NPR2: variants seen among roughly 807,000 people sequenced by gnomAD.
The protein encoded by NPR2 is natriuretic peptide receptor 2.
In NPR2, 49 loss-of-function variants were observed where a neutral mutation model predicts 120.7. The ratio of observed to expected loss-of-function variants is 0.41; its 90% CI spans 0.32 to 0.52. NPR2 has a LOEUF of 0.52. NPR2 is among the 20% of genes least tolerant of loss of function. NPR2 has a pLI of 0.36. For missense variants in NPR2, 931 were observed against 1,362.9 expected, an observed-to-expected ratio of 0.68 and a Z score of 4.99; for synonymous variants, 484 against 519.8, an observed-to-expected ratio of 0.93 and a Z score of 0.94.
rs535414490 is a variant in NPR2 at position 35,793,455 on chromosome 9, C to T, written c.667+380C>T. Among the ~76,000 whole-genome samples, 10 of 152,222 alleles carry T rather than the reference C, an allele frequency of 6.6e-5. No individual in the cohort carries two copies. The South Asian group carries it at 1.5e-3, about 22-fold the overall frequency. ...TACCACCCAGACTGGGCGCCAAGACCCCTTGGTGGTGTAAAAATAATGAGG... is the reference window on the plus strand; with the variant it reads ...TACCACCCAGACTGGGCGCCAAGACTCCTTGGTGGTGTAAAAATAATGAGG... On this transcript the variant is annotated intron_variant, in intron 1 of 21. Transcript: ENST00000342694.
rs766256429 is a variant in NPR2 at position 35,806,474 on chromosome 9, C to G, written c.2455C>G (p.Arg819Gly). 6.2e-7 allele frequency: 1 copy of G among 1,614,114 alleles called. No homozygotes were observed. Among genetic ancestry groups the G allele is most frequent in the South Asian group, 1.1e-5 (1 of 91,076 alleles). ...ANNLEKLVEERTQAYLEEKRK... is the reference protein window; with the variant it reads ...ANNLEKLVEEGTQAYLEEKRK... ...TAACTTGGAGAAGCTGGTGGAGGAA[C>G]GCACACAGGCCTATCTGGAGGAAAA... is the stretch of plus-strand genomic sequence containing the variant. The change falls in exon 16 of 22, where the codon CGC becomes GGC. Residue 819 changes from arginine (R) to glycine (G), a missense_variant. Transcript: ENST00000342694. This position sits in a 1 kb window ranked among gnomAD's most constrained non-coding sequence, Gnocchi z 4.6.
intron 2 of NPR2, among the ~76,000 whole-genome samples, chr9:35,796,067 CAT>C (rs1454547072): frequency 6.6e-6 from 1 of 152,122 alleles, no homozygotes; most frequent in Non-Finnish European, 1.5e-5. Context: ...GTTACTAAAA[CAT>C]AAAGAGGAAA....
chr9:35,809,122 C>T lies in NPR2; in HGVS notation c.2987-34C>T, dbSNP rs751536455. On this transcript the variant is annotated intron_variant, in intron 20 of 21. Coordinates refer to ENST00000342694, the MANE Select transcript of NPR2 (RefSeq NM_003995.4). The surrounding 1 kb of genome is among the most constrained non-coding windows in gnomAD (Gnocchi z 4.1). ...TTTGATTGCCTTTTCTTTGATTCCTCATTCCACCATCCTCCCCATTCCACC... is the reference window on the plus strand; with the variant it reads ...TTTGATTGCCTTTTCTTTGATTCCTTATTCCACCATCCTCCCCATTCCACC... 4 of 1,565,492 alleles carry T rather than the reference C, an allele frequency of 2.6e-6. No homozygotes were observed. The highest frequency in any genetic ancestry group is 2.2e-5 in the South Asian group (2 of 90,118).
rs549493121 is a variant in NPR2, at chr9:35,803,120, T to C, written c.1887+317T>C. ...AGTCTCTGAACATATTTTTTTTTTTTTGAGACGGAGTCTCGCTCTGTCGCC... is the reference window on the plus strand; with the variant it reads ...AGTCTCTGAACATATTTTTTTTTTTCTGAGACGGAGTCTCGCTCTGTCGCC... On this transcript the variant is annotated intron_variant, in intron 12 of 21. Coordinates refer to ENST00000342694, the MANE Select transcript of NPR2 (RefSeq NM_003995.4). Among the ~76,000 whole-genome samples, 455 of 137,800 alleles carry C rather than the reference T, an allele frequency of 3.3e-3. 124 individuals carry two copies. Among genetic ancestry groups the C allele is most frequent in the African/African-American group, 0.013 (426 of 32,808 alleles). 90.4% of individuals were successfully genotyped at this position (137,800 alleles called of 152,430 possible).
At chr9:35,796,845 A>G (rs922220168) in intron 2 of NPR2, among the ~76,000 whole-genome samples, 1 of 152,144 alleles carries the variant, frequency 6.6e-6, no homozygotes, top group Non-Finnish European at 1.5e-5. Flanking sequence ...CCAAGCAAGG[A>G]TGAAAGAGCA....
At chr9:35,804,233 CTT>C (rs11328092) in intron 12 of NPR2, among the ~76,000 whole-genome samples, 38,385 of 139,492 alleles carry the variant, frequency 0.28, 5,738 homozygotes, top group African/African-American at 0.43. Flanking sequence ...ATCATTAAGA[CTT>C]TTTTTTTTTT....
At chr9:35,794,401 A>T (rs934125479) in intron 2 of NPR2, among the ~76,000 whole-genome samples, 1 of 152,210 alleles carries the variant, frequency 6.6e-6, no homozygotes, top group Non-Finnish European at 1.5e-5. Flanking sequence ...AAGAGATCTG[A>T]TCCTAGCCCT....
At position 35,809,495 on chromosome 9, in the gene NPR2, G is replaced by A. The variant is rs1828642852; in HGVS notation, c.*50G>A. 3.1e-6 allele frequency: 5 copies of A among 1,613,872 alleles called. No homozygotes were observed. The highest frequency in any genetic ancestry group is 2.5e-6 in the Non-Finnish European group (3 of 1,179,978). ...AGTCTTCTGCTGCTGGTACCTGGGTGGGCAATGGCCACCATGTCTGCACAC... is the reference window on the plus strand; with the variant it reads ...AGTCTTCTGCTGCTGGTACCTGGGTAGGCAATGGCCACCATGTCTGCACAC... On this transcript the variant is annotated 3_prime_UTR_variant, in exon 22 of 22. Transcript: ENST00000342694. This position sits in a 1 kb window ranked among gnomAD's most constrained non-coding sequence, Gnocchi z 4.1.
Position 35,805,236 on chromosome 9 carries a change from G to C in NPR2, c.1888-275G>C, listed in dbSNP as rs1211243268. On this transcript the variant is annotated intron_variant, in intron 12 of 21. Transcript: ENST00000342694. The surrounding 1 kb of genome is among the most constrained non-coding windows in gnomAD (Gnocchi z 4.9). ...CAAGAAGATTGACTGCCCTCTCCAG[G>C]GTAGTCATTTGTAGCTCCACTTATC... Among the ~76,000 whole-genome samples, 1 of 152,134 alleles carries C rather than the reference G, an allele frequency of 6.6e-6. No homozygotes were observed. The highest frequency in any genetic ancestry group is 2.4e-5 in the African/African-American group (1 of 41,408).
At chr9:35,801,014 C>G (rs1293833455) in intron 6 of NPR2, 56 bp from the exon 7 acceptor site, 3 of 1,550,198 alleles carry the variant, frequency 1.9e-6, no homozygotes, top group Non-Finnish European at 2.7e-6. Flanking sequence ...GCACCCCGTT[C>G]TCCATTCTGC....
intron 2 of NPR2, among the ~76,000 whole-genome samples, chr9:35,796,302 C>T (rs912911783): frequency 1.3e-5 from 2 of 152,202 alleles, no homozygotes; most frequent in African/African-American, 2.4e-5. Context: ...CCTCCCACTT[C>T]AGCCTCCCGA....
chr9:35,799,226 T>C (rs1309545635), intron 2 of NPR2, among the ~76,000 whole-genome samples: 2 of 152,122 alleles, frequency 1.3e-5, no homozygotes, highest in East Asian at 3.8e-4. Flanking sequence ...CCAGAAAGCA[T>C]GGGACAGAGG....
In NPR2 at chr9:35,808,135, G is replaced by T; in HGVS notation, c.2713-374G>T. The T allele has an allele frequency of 5.5e-6, 8 of 1,454,366 alleles. No individual in the cohort carries two copies. The highest frequency in any genetic ancestry group is 7.7e-6 in the Non-Finnish European group (8 of 1,035,188). The allele number at this position is 1,454,366 out of a possible 1,614,324, so 90.1% of individuals were successfully genotyped here. Reference sequence around the variant, plus strand: ...TGCTTTCCTCCTCTCTGACAGTTTGGGCTGTCAGGTCCATTTCACTGGGCC... The same window carrying T: ...TGCTTTCCTCCTCTCTGACAGTTTGTGCTGTCAGGTCCATTTCACTGGGCC... On this transcript the variant is annotated intron_variant, in intron 18 of 21. Coordinates refer to ENST00000342694, the MANE Select transcript of NPR2 (RefSeq NM_003995.4). This position sits in a 1 kb window ranked among gnomAD's most constrained non-coding sequence, Gnocchi z 4.0.
At chr9:35,795,344 G>A (rs906864884) in intron 2 of NPR2, among the ~76,000 whole-genome samples, 6 of 151,964 alleles carry the variant, frequency 3.9e-5, no homozygotes, top group South Asian at 4.2e-4. Flanking sequence ...CGATTCCCCC[G>A]CCACTTTTTT....
chr9:35,807,211 T>C, intron 17 of NPR2, 65 bp downstream of exon 17: 1 of 1,488,338 alleles, frequency 6.7e-7, no homozygotes, highest in Non-Finnish European at 9.4e-7. Flanking sequence ...GAAGCCTCAT[T>C]GATAATAGGA....
rs1827798631 is a variant in NPR2 at position 35,792,086 on chromosome 9, T to G, written c.-323T>G. On this transcript the variant is annotated 5_prime_UTR_variant, in exon 1 of 22. Coordinates refer to ENST00000342694, the MANE Select transcript of NPR2 (RefSeq NM_003995.4). ...CCAGATCCCCTTTTCCTTCTCAGCT[T>G]TAGATTTATCAGGCTTCTTCACCTC... 1 of 181,904 alleles carries G rather than the reference T, an allele frequency of 5.5e-6. No individual in the cohort carries two copies. Among genetic ancestry groups the G allele is most frequent in the Non-Finnish European group, 1.1e-5 (1 of 92,928 alleles). 11.3% of individuals were successfully genotyped at this position (181,904 alleles called of 1,614,324 possible).
At position 35,808,270 on chromosome 9, in the gene NPR2, T is replaced by C. The variant is rs868663386; in HGVS notation, c.2713-239T>C. ...TGTCCTGCTGCAGACAGGGTGTTCA[T>C]TCATTCCGCAAATGTTTACTGAGTA... is the stretch of plus-strand genomic sequence containing the variant. On this transcript the variant is annotated intron_variant, in intron 18 of 21. Transcript: ENST00000342694. This position sits in a 1 kb window ranked among gnomAD's most constrained non-coding sequence, Gnocchi z 4.0. 6.2e-7 allele frequency: 1 copy of C among 1,614,022 alleles called. No individual in the cohort carries two copies. Among genetic ancestry groups the C allele is most frequent in the African/African-American group, 1.3e-5 (1 of 74,924 alleles).
Position 35,792,193 on chromosome 9 carries a change from T to C in NPR2, c.-216T>C. The C allele has an allele frequency of 2.9e-6, 1 of 350,836 alleles. No individual in the cohort carries two copies. Among genetic ancestry groups the C allele is most frequent in the South Asian group, 2.2e-5 (1 of 45,574 alleles). The allele number at this position is 350,836 out of a possible 1,614,324, so 21.7% of individuals were successfully genotyped here. A position where few individuals can be genotyped will look rare whatever the true frequency, so the allele number is the denominator to read the frequency against. ...CGTTCTCAGTCCTCAGTCCTTGCCC[T>C]AGGCTGGTAGCCCACTCCTTGCCCG... On this transcript the variant is annotated 5_prime_UTR_variant, in exon 1 of 22. Transcript: ENST00000342694.
rs757669749 is a variant in NPR2, at chr9:35,809,271, G to A, written c.3078+24G>A. 1.1e-5 allele frequency: 17 copies of A among 1,611,594 alleles called. No individual in the cohort carries two copies. The highest frequency in any genetic ancestry group is 3.3e-4 in the Middle Eastern group (2 of 6,076). On this transcript the variant is annotated intron_variant, in intron 21 of 21. Coordinates refer to ENST00000342694, the MANE Select transcript of NPR2 (RefSeq NM_003995.4). This position sits in a 1 kb window ranked among gnomAD's most constrained non-coding sequence, Gnocchi z 4.1. ...AGGTGATGGCAGGCCATGGGGAGGG[G>A]GGCATGGAAAGGGAGGGTGAAAGTG...
Sources: allele counts gnomAD v4.1 joint callset (sites outside exome capture counted in the v4.1 genomes callset), GRCh38; gene constraint gnomAD v4.1.1; non-coding constraint Gnocchi (gnomAD v3.1); transcripts MANE v1.5; gene names NCBI Gene and HGNC (gene_info 2026-07-23, HGNC 2026-07-21).